The following FSTL1 variants were observed in gnomAD, a reference collection of about 807,000 sequenced individuals.
The protein encoded by FSTL1 is follistatin-related protein 1.
In FSTL1, 24 loss-of-function variants were observed where a neutral mutation model predicts 45.9. The observed-to-expected ratio is 0.52, with a 90% CI of 0.38 to 0.74. The LOEUF (loss-of-function observed/expected upper bound fraction) is 0.74. FSTL1 is among the 30% of genes least tolerant of loss of function. The probability of loss-of-function intolerance (pLI) is 0.00; values close to 1 mark genes in which losing one functional copy is unlikely to be tolerated. For missense variants in FSTL1, 340 were observed against 381.8 expected (o/e 0.89, Z 0.91); for synonymous variants, 120 against 137.6 (o/e 0.87, Z 0.89).
At chr3:120,404,008 A>T (rs543750326) in intron 7 of FSTL1, among the ~76,000 whole-genome samples, 3 of 150,916 alleles carry the variant, frequency 2.0e-5, no homozygotes, top group Non-Finnish European at 4.4e-5. Context: ...ACAAAAAAAA[A>T]CTCAGCTCCA....
At chr3:120,436,039 A>G (rs886390667) in intron 2 of FSTL1, among the ~76,000 whole-genome samples, 4 of 149,138 alleles carry the variant, frequency 2.7e-5, no homozygotes, top group African/African-American at 9.7e-5. Context: ...AGGATTTCAT[A>G]TCCCTATCAC....
At position 120,412,838 on chromosome 3, in the gene FSTL1, G is replaced by GCGCC. The variant is rs1429168694; in HGVS notation, c.169-856_169-855insGGCG. Among the ~76,000 whole-genome samples the GCGCC allele has an allele frequency of 3.0e-4, 32 of 106,192 alleles. No homozygotes were observed. In the East Asian group the frequency reaches 6.7e-3, roughly 22 times the overall value. 69.7% of individuals were successfully genotyped at this position (106,192 alleles called of 152,430 possible). A position where few individuals can be genotyped will look rare whatever the true frequency, so the allele number is the denominator to read the frequency against. On this transcript the variant is annotated intron_variant, in intron 3 of 10. Transcript: ENST00000295633. Reference sequence around the variant, plus strand: ...CACATGTGCGCGCGCGCGCGCGCGCGCACACACACACACACACACACACAC... The same window carrying GCGCC: ...CACATGTGCGCGCGCGCGCGCGCGCGCGCCCACACACACACACACACACACACAC...
At position 120,399,583 on chromosome 3, in the gene FSTL1, C is replaced by T. The variant is rs143799581; in HGVS notation, c.882+300G>A. On this transcript the variant is annotated intron_variant, in intron 10 of 10. Transcript: ENST00000295633. The stretch of plus-strand genomic sequence containing the variant: ...ACAGGATACACACTTCCTTAAACCA[C>T]GCTCATTTGCAAACCACTTCCACCT... Among the ~76,000 whole-genome samples the T allele has an allele frequency of 2.1e-3, 323 of 152,302 alleles. 1 individual carries two copies. Among genetic ancestry groups the T allele is most frequent in the African/African-American group, 6.6e-3 (275 of 41,568 alleles).
In FSTL1 at chr3:120,395,220, T is replaced by G. The variant is rs1936672335; in HGVS notation, c.*1732A>C. On this transcript the variant is annotated 3_prime_UTR_variant, in exon 11 of 11. Transcript: ENST00000295633. ...TCACAGTTGCCTGTGCATTACAACC[T>G]AAATAATTTCCTTCTGATGGTCTTT... The G allele has an allele frequency of 6.2e-6, 1 of 160,840 alleles. No individual in the cohort carries two copies. Among genetic ancestry groups the G allele is most frequent in the Non-Finnish European group, 1.3e-5 (1 of 74,462 alleles). The allele number at this position is 160,840 out of a possible 1,614,324, so 10.0% of individuals were successfully genotyped here. A position where few individuals can be genotyped will look rare whatever the true frequency, so the allele number is the denominator to read the frequency against.
intron 5 of FSTL1, chr3:120,410,646 A>G (rs1937033330): frequency 2.0e-6 from 1 of 487,896 alleles, no homozygotes; most frequent in Non-Finnish European, 4.0e-6. Context: ...TGACACGAGC[A>G]TGTCTTATAG....
At chr3:120,418,093 A>G (rs1471767445) in intron 2 of FSTL1, among the ~76,000 whole-genome samples, 3 of 152,220 alleles carry the variant, frequency 2.0e-5, no homozygotes, top group Non-Finnish European at 2.9e-5. Flanking sequence ...AAACGGATTG[A>G]ATTAAACCAA....
At chr3:120,397,171 A>G (rs76365308) in intron 10 of FSTL1, among the ~76,000 whole-genome samples, 175 bp from the exon 11 acceptor site, 2 of 152,360 alleles carry the variant, frequency 1.3e-5, no homozygotes, top group East Asian at 3.9e-4. Context: ...ACTATGGCCT[A>G]TTCATGACAT....
At chr3:120,444,213 C>G (rs1398052162) in intron 2 of FSTL1, among the ~76,000 whole-genome samples, 2 of 149,794 alleles carry the variant, frequency 1.3e-5, no homozygotes, top group South Asian at 2.1e-4. Flanking sequence ...CAGTTTCATA[C>G]AGTCCCAAAC....
At chr3:120,437,966 A>G (rs1937588192) in intron 2 of FSTL1, among the ~76,000 whole-genome samples, 1 of 152,130 alleles carries the variant, frequency 6.6e-6, no homozygotes, top group Non-Finnish European at 1.5e-5. Context: ...CTGACCAGAG[A>G]TCAGGGCCAG....
chr3:120,444,992 T>C (rs1465414184), intron 2 of FSTL1, among the ~76,000 whole-genome samples: 4 of 149,894 alleles, frequency 2.7e-5, no homozygotes. Flanking sequence ...TTTGCTGTCA[T>C]AAATAACATG....
Position 120,402,834 on chromosome 3 carries a change from C to T in FSTL1, c.779G>A (p.Trp260Ter). Residue 260 changes from tryptophan to a stop codon, truncating the protein, a stop_gained, in exon 9 of 11, where the codon TGG becomes TAG. Transcript: ENST00000295633. LOFTEE classifies it high-confidence loss of function. ...CNRCVCACGN[W>*]VCTAMTCDGK... Reference sequence around the variant, plus strand: ...GTCACAGGTCATGGCTGTACAGACCCAATTTCCACAGGCACAGACACAGCG... The same window carrying T: ...GTCACAGGTCATGGCTGTACAGACCTAATTTCCACAGGCACAGACACAGCG... 1 of 1,610,328 alleles carries T rather than the reference C, an allele frequency of 6.2e-7. No individual in the cohort carries two copies. The highest frequency in any genetic ancestry group is 8.5e-7 in the Non-Finnish European group (1 of 1,176,604).
intron 6 of FSTL1, among the ~76,000 whole-genome samples, chr3:120,407,604 T>C (rs888218441): frequency 1.3e-5 from 2 of 152,222 alleles, no homozygotes; most frequent in Non-Finnish European, 2.9e-5. Context: ...GAGCATTTCA[T>C]TGGTTCATAA....
At position 120,403,987 on chromosome 3, in the gene FSTL1, A is replaced by C. The variant is rs1200730322; in HGVS notation, c.582-633T>G. ...AAAAACAAAAACAAAAAAAAACAAA[A>C]AACAAAACAAACAAAAAAAAACTCA... On this transcript the variant is annotated intron_variant, in intron 7 of 10. Transcript: ENST00000295633. Among the ~76,000 whole-genome samples the C allele has an allele frequency of 9.5e-4, 130 of 136,548 alleles. 3 individuals carry two copies. The highest frequency in any genetic ancestry group is 3.1e-3 in the Admixed American group (33 of 10,774). 89.6% of individuals were successfully genotyped at this position (136,548 alleles called of 152,430 possible).
chr3:120,422,529 A>C (rs1937298061), intron 2 of FSTL1, among the ~76,000 whole-genome samples: 1 of 152,216 alleles, frequency 6.6e-6, no homozygotes, highest in South Asian at 2.1e-4. Flanking sequence ...AAATTATTTT[A>C]AAATGTCATT....
chr3:120,396,746 A>C lies in FSTL1; in HGVS notation c.*206T>G. ...CACCATTTACAGTTTCTCTTAAAGC[A>C]CTCCTAGAAATGAAGGCTGTGGCCC... On this transcript the variant is annotated 3_prime_UTR_variant, in exon 11 of 11. Transcript: ENST00000295633. 1 of 565,538 alleles carries C rather than the reference A, an allele frequency of 1.8e-6. No individual in the cohort carries two copies. The highest frequency in any genetic ancestry group is 3.1e-6 in the Non-Finnish European group (1 of 318,302). The allele number at this position is 565,538 out of a possible 1,614,324, so 35.0% of individuals were successfully genotyped here. A position where few individuals can be genotyped will look rare whatever the true frequency, so the allele number is the denominator to read the frequency against.
intron 2 of FSTL1, among the ~76,000 whole-genome samples, chr3:120,421,829 G>C (rs1285336772): frequency 6.6e-6 from 1 of 152,158 alleles, no homozygotes; most frequent in Non-Finnish European, 1.5e-5. Flanking sequence ...ATGCACTAGG[G>C]CCAAACCCTG....
intron 3 of FSTL1, among the ~76,000 whole-genome samples, chr3:120,412,836 G>GCA (rs1489987751): frequency 2.4e-3 from 173 of 72,796 alleles, no homozygotes; most frequent in East Asian, 0.022. Context: ...GCGCGCGCGC[G>GCA]CGCACACACA....
Position 120,411,973 on chromosome 3 carries a change from G to C in FSTL1, c.179C>G (p.Pro60Arg). The change falls in exon 4 of 11, where the codon CCT becomes CGT. Residue 60 changes from proline (P) to arginine (R), a missense_variant. Coordinates refer to ENST00000295633, the MANE Select transcript of FSTL1 (RefSeq NM_007085.5). ...PTCLCIEQCKPHKRPVCGSNG... is the reference protein window; with the variant it reads ...PTCLCIEQCKRHKRPVCGSNG... ...ACTGCCACACACAGGCCTCTTGTGA[G>C]GTTTGCATTGCTGAAACAGACCCAA... 6.2e-7 allele frequency: 1 copy of C among 1,612,904 alleles called. No homozygotes were observed. The highest frequency in any genetic ancestry group is 8.5e-7 in the Non-Finnish European group (1 of 1,178,958).
At chr3:120,410,642 G>A (rs575923527) in intron 5 of FSTL1, 1 of 473,200 alleles carries the variant, frequency 2.1e-6, no homozygotes, top group Non-Finnish European at 4.1e-6. Context: ...CCCATGACAC[G>A]AGCATGTCTT....
Sources: allele counts gnomAD v4.1 joint callset (sites outside exome capture counted in the v4.1 genomes callset), GRCh38; gene constraint gnomAD v4.1.1; transcripts MANE v1.5; gene names NCBI Gene and HGNC (gene_info 2026-07-23, HGNC 2026-07-21).